Variants in UPF2 observed in about 807,000 individuals in gnomAD.
UPF2 encodes the protein UPF2 regulator of nonsense mediated mRNA decay.
A neutral mutation model predicts 141.4 loss-of-function variants in UPF2; 17 were observed. The ratio of observed to expected loss-of-function variants is 0.12; its 90% CI spans 0.08 to 0.18. The LOEUF is 0.18. UPF2 is among the 10% of genes least tolerant of loss of function. The pLI is 1.00. For missense variants in UPF2, 1,152 were observed against 1,515.9 expected, an observed-to-expected ratio of 0.76 and a Z score of 3.99; for synonymous variants, 540 against 498.0, an observed-to-expected ratio of 1.08 and a Z score of -1.12.
At chr10:11,952,029 T>C (rs1167234059) in intron 15 of UPF2, 37 bp downstream of exon 15, 3 of 1,593,396 alleles carry the variant, frequency 1.9e-6, no homozygotes, top group Non-Finnish European at 2.6e-6. Context: ...ATCTGCCAAA[T>C]ATCACCTTCA....
intron 1 of UPF2, among the ~76,000 whole-genome samples, chr10:12,039,476 C>G (rs1175417505): frequency 6.6e-6 from 1 of 152,096 alleles, no homozygotes; most frequent in Non-Finnish European, 1.5e-5. Flanking sequence ...ATAACATGAT[C>G]TTATTGAAGG....
intron 9 of UPF2, among the ~76,000 whole-genome samples, chr10:11,972,980 A>G (rs1314291989): frequency 6.6e-6 from 1 of 152,190 alleles, no homozygotes; most frequent in Non-Finnish European, 1.5e-5. Context: ...CAATGGTTGA[A>G]CTACTTTACA....
chr10:11,941,416 A>G (rs1030047013), intron 18 of UPF2, among the ~76,000 whole-genome samples: 2 of 152,222 alleles, frequency 1.3e-5, no homozygotes, highest in African/African-American at 4.8e-5. Context: ...ATATATAAAG[A>G]AAGAAGATCA....
chr10:12,025,124 G>A (rs919900808), intron 3 of UPF2, among the ~76,000 whole-genome samples: 2 of 151,970 alleles, frequency 1.3e-5, no homozygotes, highest in Non-Finnish European at 2.9e-5. Flanking sequence ...TCTCTATAGT[G>A]GCTGCTCAAG....
At chr10:12,033,961 T>C (rs10906052) in intron 2 of UPF2, among the ~76,000 whole-genome samples, 57,652 of 152,100 alleles carry the variant, frequency 0.38, 13,159 homozygotes, top group Non-Finnish European at 0.51. Context: ...TATTATTTAC[T>C]TGCACAGGTT....
At position 11,998,670 on chromosome 10, in the gene UPF2, T is replaced by C. The variant is rs1222149977; in HGVS notation, c.1759-913A>G. 1.3e-5 allele frequency among the ~76,000 whole-genome samples: 2 copies of C among 152,016 alleles called. No individual in the cohort carries two copies. The highest frequency in any genetic ancestry group is 1.9e-4 in the East Asian group (1 of 5,186). ...GAGTTCAAGACCAGCCTGGCCAACATAGTGAAACCCTGTCTCTACTAAAAA... is the reference window on the plus strand; with the variant it reads ...GAGTTCAAGACCAGCCTGGCCAACACAGTGAAACCCTGTCTCTACTAAAAA... On this transcript the variant is annotated intron_variant, in intron 7 of 21. Coordinates refer to ENST00000357604, the MANE Select transcript of UPF2 (RefSeq NM_015542.4). This position sits in a 1 kb window ranked among gnomAD's most constrained non-coding sequence, Gnocchi z 4.5.
At chr10:11,928,207 G>C (rs1020118110) in intron 21 of UPF2, among the ~76,000 whole-genome samples, 1 of 152,032 alleles carries the variant, frequency 6.6e-6, no homozygotes, top group Admixed American at 6.6e-5. Flanking sequence ...GTGCTGGGTG[G>C]GCACCTGTAA....
rs1834599771 is a variant in UPF2 at position 12,035,134 on chromosome 10, T to C, written c.290A>G (p.His97Arg). The C allele has an allele frequency of 6.3e-7, 1 of 1,599,536 alleles. No individual in the cohort carries two copies. Among genetic ancestry groups the C allele is most frequent in the African/African-American group, 1.4e-5 (1 of 73,494 alleles). Residue 97 changes from histidine to arginine, a missense_variant, in exon 2 of 22, where the codon CAT (histidine) becomes CGT (arginine). Coordinates refer to ENST00000357604, the MANE Select transcript of UPF2 (RefSeq NM_015542.4). ...KKKEEEEKKKHQEEERKKQEE... is the reference protein window; with the variant it reads ...KKKEEEEKKKRQEEERKKQEE... ...TTGCTTCTTTCTCTCTTCCTCTTGA[T>C]GTTTCTTTTTTTCTTCCTCTTCTTT...
chr10:11,951,119 A>G (rs1469393060), intron 15 of UPF2, among the ~76,000 whole-genome samples: 1 of 152,052 alleles, frequency 6.6e-6, no homozygotes, highest in African/African-American at 2.4e-5. Context: ...CTGTAGTGCA[A>G]TGGCGTGATC....
At chr10:11,990,287 T>C (rs973640461) in intron 8 of UPF2, among the ~76,000 whole-genome samples, 4 of 152,216 alleles carry the variant, frequency 2.6e-5, no homozygotes, top group Admixed American at 1.3e-4. Flanking sequence ...TAAACCCATA[T>C]TCCTGACATA....
chr10:11,938,853 G>GCTTTTTTTTTTT, intron 18 of UPF2, among the ~76,000 whole-genome samples: 1 of 79,816 alleles, frequency 1.3e-5, no homozygotes, highest in Admixed American at 1.7e-4. Flanking sequence ...TTTTTTTTTT[G>GCTTTTTTTTTTT]TTTTTTTTTT....
chr10:11,930,909 C>A (rs1438584146), intron 20 of UPF2, among the ~76,000 whole-genome samples: 2 of 152,198 alleles, frequency 1.3e-5, no homozygotes, highest in Non-Finnish European at 2.9e-5. Context: ...CAGTACAGTG[C>A]TGTAGAAACA....
At position 11,935,020 on chromosome 10, in the gene UPF2, T is replaced by A. The variant is rs902987573; in HGVS notation, c.3546+1525A>T. 4.6e-5 allele frequency among the ~76,000 whole-genome samples: 7 copies of A among 152,170 alleles called. No homozygotes were observed. The highest frequency in any genetic ancestry group is 1.0e-4 in the Non-Finnish European group (7 of 68,014). ...GCACAAGTATAGTGCACAATTTTGA[T>A]CTCGGTGTACATGAGAAGTTGCCTG... On this transcript the variant is annotated intron_variant, in intron 19 of 21. Coordinates refer to ENST00000357604, the MANE Select transcript of UPF2 (RefSeq NM_015542.4). The surrounding 1 kb of genome is among the most constrained non-coding windows in gnomAD (Gnocchi z 4.9).
intron 1 of UPF2, 56 bp from the exon 2 acceptor site, chr10:12,035,497 T>G (rs1337908669): frequency 1.7e-5 from 25 of 1,455,446 alleles, no homozygotes; most frequent in Non-Finnish European, 2.1e-5. Context: ...TAAAATGATA[T>G]CACACTATTT....
chr10:11,967,463 T>C lies in UPF2; in HGVS notation c.1954-9A>G, dbSNP rs769481486. 1.3e-6 allele frequency: 2 copies of C among 1,503,750 alleles called. No individual in the cohort carries two copies. The highest frequency in any genetic ancestry group is 1.3e-5 in the South Asian group (1 of 79,936). The allele number at this position is 1,503,750 out of a possible 1,614,324, so 93.2% of individuals were successfully genotyped here. On this transcript the variant is annotated splice_polypyrimidine_tract_variant and intron_variant, in intron 9 of 21. Coordinates refer to ENST00000357604, the MANE Select transcript of UPF2 (RefSeq NM_015542.4). The stretch of plus-strand genomic sequence containing the variant: ...TGGTCCTTTTTCCGTACCTAAAAAT[T>C]AAGAGAGAAAAGATAATGCTTAATC...
chr10:12,006,650 G>A (rs540834305), intron 4 of UPF2, among the ~76,000 whole-genome samples: 2 of 152,058 alleles, frequency 1.3e-5, no homozygotes, highest in South Asian at 2.1e-4. Context: ...ATAAACAAAA[G>A]CAAAAAACAA....
chr10:11,938,861 T>TTTTTTTTTTTTTTTTTTTG (rs1832893665), intron 18 of UPF2, among the ~76,000 whole-genome samples: 1 of 73,000 alleles, frequency 1.4e-5, no homozygotes, highest in Non-Finnish European at 2.5e-5. Flanking sequence ...TTGTTTTTTT[T>TTTTTTTTTTTTTTTTTTTG]TTTTTTTTTT....
Position 12,019,283 on chromosome 10 carries a change from C to T in UPF2, c.1146-5099G>A, listed in dbSNP as rs1834276470. Among the ~76,000 whole-genome samples the T allele has an allele frequency of 1.3e-5, 2 of 152,186 alleles. No homozygotes were observed. The highest frequency in any genetic ancestry group is 1.5e-5 in the Non-Finnish European group (1 of 68,030). ...AAAGCTGCCACAGACAATATGTAAA[C>T]AAATGAGGGTGACTGTAATAAAATG... On this transcript the variant is annotated intron_variant, in intron 3 of 21. Coordinates refer to ENST00000357604, the MANE Select transcript of UPF2 (RefSeq NM_015542.4). This position sits in a 1 kb window ranked among gnomAD's most constrained non-coding sequence, Gnocchi z 4.5.
chr10:12,023,474 A>G (rs1834352263), intron 3 of UPF2, among the ~76,000 whole-genome samples: 1 of 149,046 alleles, frequency 6.7e-6, no homozygotes, highest in African/African-American at 2.5e-5. Flanking sequence ...AGAGATCGAG[A>G]CCATCCTGGC....
Sources: allele counts gnomAD v4.1 joint callset (sites outside exome capture counted in the v4.1 genomes callset), GRCh38; gene constraint gnomAD v4.1.1; non-coding constraint Gnocchi (gnomAD v3.1); transcripts MANE v1.5; gene names NCBI Gene and HGNC (gene_info 2026-07-23, HGNC 2026-07-21).